The following TENM3 variants were observed in gnomAD, a reference collection of about 807,000 sequenced individuals.
The protein encoded by TENM3 is teneurin transmembrane protein 3, also known as teneurin-3.
TENM3 carries 63 observed loss-of-function variants against 255.1 expected under a neutral mutation model. The ratio of observed to expected loss-of-function variants is 0.25; its 90% confidence interval spans 0.20 to 0.30. TENM3 has a LOEUF of 0.30. Ranked by LOEUF, TENM3 falls within the 10% of genes least tolerant of loss-of-function variation. TENM3 has a pLI of 1.00. For synonymous variants in TENM3, 1,306 were observed against 1,322.3 expected, an observed-to-expected ratio of 0.99 and a Z score of 0.27; for missense variants, 2,929 against 3,461.1, an observed-to-expected ratio of 0.85 and a Z score of 3.86.
chr4:181,904,454 G>T, the TENM3 span, among the ~76,000 whole-genome samples: 2 of 151,880 alleles, frequency 1.3e-5, no homozygotes. Flanking sequence ...ACATGTACCC[G>T]ATAATTATAT....
chr4:182,150,205 G>A (rs1750242546), intron 1 of TENM3, among the ~76,000 whole-genome samples: 1 of 151,732 alleles, frequency 6.6e-6, no homozygotes, highest in South Asian at 2.1e-4. Context: ...AGGGAAGGAG[G>A]AAGGGAGGAA....
At chr4:182,128,599 T>C in the TENM3 span, among the ~76,000 whole-genome samples, 2 of 152,238 alleles carry the variant, frequency 1.3e-5, no homozygotes, top group Non-Finnish European at 2.9e-5. Flanking sequence ...GAACAATTCC[T>C]TATTAACTTA....
the TENM3 span, among the ~76,000 whole-genome samples, chr4:181,791,680 T>C: frequency 6.6e-6 from 1 of 152,194 alleles, no homozygotes; most frequent in Admixed American, 6.5e-5. Context: ...AGAGCTATGT[T>C]GAATGTGAAC....
At chr4:181,570,088 G>A in the TENM3 span, among the ~76,000 whole-genome samples, 1 of 148,250 alleles carries the variant, frequency 6.7e-6, no homozygotes, top group African/African-American at 2.5e-5. Flanking sequence ...GCCCAGGTCG[G>A]ACTGCGGACT....
the TENM3 span, among the ~76,000 whole-genome samples, chr4:181,875,710 G>T: frequency 6.6e-6 from 1 of 152,152 alleles, no homozygotes; most frequent in Non-Finnish European, 1.5e-5. Flanking sequence ...TGGTGTAAGT[G>T]TGCCGATGGA....
At chr4:182,755,699 G>C (rs1762690669) in intron 22 of TENM3, among the ~76,000 whole-genome samples, 1 of 152,154 alleles carries the variant, frequency 6.6e-6, no homozygotes. Context: ...AAATAGCCGG[G>C]CGTGGTGGCG....
the TENM3 span, among the ~76,000 whole-genome samples, chr4:181,814,193 G>A: frequency 1.3e-5 from 2 of 152,060 alleles, no homozygotes; most frequent in Non-Finnish European, 2.9e-5. Context: ...AAGGCAATGT[G>A]TACTAGACAC....
At chr4:182,032,031 G>A in the TENM3 span, among the ~76,000 whole-genome samples, 1 of 152,096 alleles carries the variant, frequency 6.6e-6, no homozygotes, top group African/African-American at 2.4e-5. Context: ...CTTCCTATCT[G>A]AACACCCTTT....
At chr4:182,219,076 A>G (rs537405980) in intron 1 of TENM3, among the ~76,000 whole-genome samples, 73 of 152,088 alleles carry the variant, frequency 4.8e-4, no homozygotes, top group Non-Finnish European at 7.6e-4. Context: ...ACAAAAATTA[A>G]CTGGGCGTGG....
chr4:182,495,226 G>C (rs17073441), intron 3 of TENM3, among the ~76,000 whole-genome samples: 2 of 152,156 alleles, frequency 1.3e-5, no homozygotes, highest in Non-Finnish European at 2.9e-5. Flanking sequence ...TCAGAGAGCC[G>C]TGAAGCTGCA....
intron 1 of TENM3, among the ~76,000 whole-genome samples, chr4:182,295,174 G>T (rs1323654525): frequency 6.7e-6 from 1 of 149,910 alleles, no homozygotes; most frequent in Non-Finnish European, 1.5e-5. Context: ...AAGATAAAAA[G>T]TGATACGTAT....
At chr4:181,679,678 C>A in the TENM3 span, among the ~76,000 whole-genome samples, 3 of 152,082 alleles carry the variant, frequency 2.0e-5, no homozygotes, top group Non-Finnish European at 2.9e-5. Context: ...TGATTTAATT[C>A]ACTTTAAAAG....
chr4:181,600,538 G>T, the TENM3 span, among the ~76,000 whole-genome samples: 1 of 151,958 alleles, frequency 6.6e-6, no homozygotes, highest in African/African-American at 2.4e-5. Context: ...CTAGCTCCTT[G>T]CATTTCTGAC....
chr4:182,343,189 C>G (rs188416300), intron 2 of TENM3, among the ~76,000 whole-genome samples: 2 of 152,110 alleles, frequency 1.3e-5, no homozygotes, highest in Admixed American at 6.5e-5. Flanking sequence ...TAATATAATC[C>G]GAGCTAACCT....
At chr4:182,709,184 T>C (rs1481297848) in intron 12 of TENM3, among the ~76,000 whole-genome samples, 1 of 151,984 alleles carries the variant, frequency 6.6e-6, no homozygotes, top group Admixed American at 6.6e-5. Context: ...GGTTTCACCA[T>C]GTTGGCCAGG....
chr4:181,804,124 A>AAGGG, the TENM3 span, among the ~76,000 whole-genome samples: 3 of 62,608 alleles, frequency 4.8e-5, no homozygotes, highest in Non-Finnish European at 9.3e-5. Context: ...GAGGGAGGGA[A>AAGGG]AGGGAGGGAG....
the TENM3 span, among the ~76,000 whole-genome samples, chr4:181,939,260 G>A: frequency 7.9e-5 from 12 of 152,162 alleles, no homozygotes; most frequent in Non-Finnish European, 1.6e-4. Flanking sequence ...CTGCAGGAAG[G>A]AAGGTATGTG....
intron 5 of TENM3, among the ~76,000 whole-genome samples, chr4:182,641,232 A>G (rs866369137): frequency 2.6e-5 from 4 of 152,222 alleles, no homozygotes; most frequent in Non-Finnish European, 5.9e-5. Context: ...ACACTCACGA[A>G]TCAGTGTCTG....
chr4:181,589,420 T>G, the TENM3 span, among the ~76,000 whole-genome samples: 1 of 152,192 alleles, frequency 6.6e-6, no homozygotes, highest in African/African-American at 2.4e-5. Flanking sequence ...GGGAGAACAT[T>G]GAATGCTATG....
Sources: gnomAD v4.1 joint callset for allele counts (sites outside exome capture counted in the v4.1 genomes callset) on GRCh38, gnomAD v4.1.1 for gene constraint, MANE v1.5 for transcripts, NCBI Gene and HGNC (gene_info 2026-07-23, HGNC 2026-07-21) for gene names.